PCDH9: variants seen among roughly 807,000 people sequenced by gnomAD.
PCDH9 encodes protocadherin-9.
PCDH9 carries 24 observed loss-of-function variants against 70.6 expected under a neutral mutation model. That is an observed-to-expected ratio of 0.34 (90% CI 0.25 to 0.48). PCDH9 has a LOEUF of 0.48. Ranked by LOEUF, PCDH9 falls within the 20% of genes least tolerant of loss-of-function variation. The pLI is 0.99. For synonymous variants in PCDH9, 562 were observed against 558.5 expected, an observed-to-expected ratio of 1.01 and a Z score of -0.09; for missense variants, 1,281 against 1,503.6, an observed-to-expected ratio of 0.85 and a Z score of 2.45.
chr13:67,106,486 T>C (rs1443760806), intron 2 of PCDH9, among the ~76,000 whole-genome samples: 2 of 152,270 alleles, frequency 1.3e-5, no homozygotes, highest in East Asian at 1.9e-4. Context: ...TGTGATTTCA[T>C]ATTTCATGGT....
chr13:66,531,268 G>A (rs1439687254), intron 4 of PCDH9, among the ~76,000 whole-genome samples: 1 of 151,988 alleles, frequency 6.6e-6, no homozygotes. Flanking sequence ...CTCCACTTTT[G>A]CATTTATTTT....
chr13:67,192,659 A>G (rs890663319), intron 2 of PCDH9, among the ~76,000 whole-genome samples: 7 of 152,188 alleles, frequency 4.6e-5, no homozygotes, highest in African/African-American at 1.4e-4. Flanking sequence ...AAGGCTGAAT[A>G]ACTAAGCACT....
At chr13:66,777,117 A>C (rs4476054) in intron 3 of PCDH9, among the ~76,000 whole-genome samples, 53,372 of 148,128 alleles carry the variant, frequency 0.36, 9,451 homozygotes, top group East Asian at 0.55. Flanking sequence ...TACACCTTAT[A>C]CAAAAATTAA....
At chr13:67,106,285 G>A (rs760875970) in intron 2 of PCDH9, among the ~76,000 whole-genome samples, 8 of 152,108 alleles carry the variant, frequency 5.3e-5, no homozygotes, top group Non-Finnish European at 8.8e-5. Flanking sequence ...GGCATTTTAA[G>A]TACTTACTAT....
At chr13:66,871,677 G>A (rs1029113847) in intron 3 of PCDH9, among the ~76,000 whole-genome samples, 4 of 152,048 alleles carry the variant, frequency 2.6e-5, no homozygotes, top group Non-Finnish European at 4.4e-5. Context: ...GTCTTCTACC[G>A]TACATGTATG....
At chr13:66,429,409 T>C (rs937585191) in intron 4 of PCDH9, among the ~76,000 whole-genome samples, 5 of 138,948 alleles carry the variant, frequency 3.6e-5, no homozygotes, top group African/African-American at 7.9e-5. Flanking sequence ...GTTTTTCTTT[T>C]ATAGATTTGT....
intron 2 of PCDH9, among the ~76,000 whole-genome samples, chr13:66,947,720 A>G (rs1392250123): frequency 6.6e-6 from 1 of 152,150 alleles, no homozygotes; most frequent in African/African-American, 2.4e-5. Flanking sequence ...ATAATAAATC[A>G]TTTATTTCTG....
intron 4 of PCDH9, among the ~76,000 whole-genome samples, chr13:66,447,555 G>T (rs1194388984): frequency 2.0e-5 from 3 of 152,054 alleles, no homozygotes; most frequent in Non-Finnish European, 4.4e-5. Context: ...TAATATGTGT[G>T]TGCGATTAAA....
chr13:66,712,408 G>A (rs1220006203), intron 3 of PCDH9, among the ~76,000 whole-genome samples: 3 of 151,922 alleles, frequency 2.0e-5, no homozygotes, highest in African/African-American at 4.8e-5. Context: ...TAAAATTCAA[G>A]CCTGAATTTA....
chr13:66,666,270 G>A (rs2078095679), intron 3 of PCDH9, among the ~76,000 whole-genome samples: 1 of 152,170 alleles, frequency 6.6e-6, no homozygotes, highest in African/African-American at 2.4e-5. Context: ...ACTAGGTGGA[G>A]GCCCTGGGAC....
At chr13:66,842,582 T>C (rs1380344179) in intron 3 of PCDH9, among the ~76,000 whole-genome samples, 2 of 152,218 alleles carry the variant, frequency 1.3e-5, no homozygotes, top group Non-Finnish European at 2.9e-5. Context: ...TAGGGACATT[T>C]CATCTCTTTT....
intron 3 of PCDH9, among the ~76,000 whole-genome samples, chr13:66,813,938 A>G (rs1224889552): frequency 6.6e-6 from 1 of 152,194 alleles, no homozygotes; most frequent in Non-Finnish European, 1.5e-5. Flanking sequence ...GCTTTAAAAT[A>G]CCAGCAAGAA....
At chr13:66,630,620 C>T (rs1468337037) in intron 4 of PCDH9, 1 of 152,040 alleles carries the variant, frequency 6.6e-6, no homozygotes, top group Non-Finnish European at 1.5e-5. Flanking sequence ...AACAAATTAT[C>T]CAAGAATTCA....
intron 2 of PCDH9, among the ~76,000 whole-genome samples, chr13:67,096,995 T>TC (rs376404861): frequency 3.5e-4 from 53 of 151,992 alleles, no homozygotes; most frequent in African/African-American, 1.2e-3. Flanking sequence ...ACACCTGTAA[T>TC]CCAGCGCTTT....
chr13:66,776,986 A>G (rs2079906151), intron 3 of PCDH9, among the ~76,000 whole-genome samples: 2 of 151,520 alleles, frequency 1.3e-5, no homozygotes, highest in African/African-American at 4.9e-5. Flanking sequence ...CATATCTACA[A>G]CTATCTGATC....
chr13:66,934,783 C>A (rs1368359869), intron 2 of PCDH9, among the ~76,000 whole-genome samples: 2 of 112,568 alleles, frequency 1.8e-5, no homozygotes, highest in African/African-American at 3.4e-5. Flanking sequence ...TGCAGTGGCG[C>A]GATCTCGGCT....
intron 2 of PCDH9, chr13:67,225,114 T>A: frequency 7.8e-7 from 1 of 1,284,258 alleles, no homozygotes; most frequent in Non-Finnish European, 9.8e-7. Flanking sequence ...ACAGGTTTTT[T>A]CTTCTTCAGC....
chr13:66,962,288 T>C lies in PCDH9; in HGVS notation c.3037-58683A>G, dbSNP rs532749503. 2.0e-5 allele frequency among the ~76,000 whole-genome samples: 3 copies of C among 152,334 alleles called. No individual in the cohort carries two copies. The East Asian group carries it at 5.8e-4, about 29-fold the overall frequency. ...TCTCCTAGATCCACAGTAAGGTAGATAGGGATCTTAGGTATCTGCAGGTAC... is the reference window on the plus strand; with the variant it reads ...TCTCCTAGATCCACAGTAAGGTAGACAGGGATCTTAGGTATCTGCAGGTAC... On this transcript the variant is annotated intron_variant, in intron 2 of 4. Coordinates refer to ENST00000377865, the MANE Select transcript of PCDH9 (RefSeq NM_203487.3).
chr13:67,125,051 G>A (rs556784895), intron 2 of PCDH9, among the ~76,000 whole-genome samples: 42 of 152,286 alleles, frequency 2.8e-4, no homozygotes, highest in African/African-American at 1.0e-3. Flanking sequence ...AAGTCTGGTT[G>A]TTCAACTCAT....
Sources: gnomAD v4.1 joint callset for allele counts (sites outside exome capture counted in the v4.1 genomes callset) on GRCh38, gnomAD v4.1.1 for gene constraint, MANE v1.5 for transcripts, NCBI Gene and HGNC (gene_info 2026-07-23, HGNC 2026-07-21) for gene names.